Variants in MTUS1 observed in about 807,000 individuals in gnomAD.
The protein encoded by MTUS1 is microtubule associated scaffold protein 1, also known as microtubule-associated tumor suppressor 1.
MTUS1 carries 109 observed loss-of-function variants against 120.8 expected under a neutral mutation model. The observed-to-expected ratio is 0.90, with a 90% confidence interval of 0.77 to 1.06. The LOEUF is 1.06. MTUS1 is among the 50% of genes least tolerant of loss of function. The pLI is 0.00. For synonymous variants in MTUS1, 737 were observed against 550.5 expected (o/e 1.34, Z -4.74); for missense variants, 2,210 against 1,486.3 (o/e 1.49, Z -8.01).
At chr8:17,774,571 G>A (rs532703847) in intron 1 of MTUS1, among the ~76,000 whole-genome samples, 21 of 152,248 alleles carry the variant, frequency 1.4e-4, no homozygotes, top group Admixed American at 9.2e-4. Context: ...CTTCATACTC[G>A]TTAGGACACC....
At chr8:17,778,656 A>G (rs2050639894) in intron 1 of MTUS1, among the ~76,000 whole-genome samples, 1 of 152,028 alleles carries the variant, frequency 6.6e-6, no homozygotes, top group Non-Finnish European at 1.5e-5. Context: ...AAAAAATCCA[A>G]AAATTAGCCA....
At chr8:17,703,423 G>A (rs532317413) in intron 6 of MTUS1, among the ~76,000 whole-genome samples, 1 of 152,188 alleles carries the variant, frequency 6.6e-6, no homozygotes, top group African/African-American at 2.4e-5. Context: ...CACGAGGTCA[G>A]GAGATCGAGA....
intron 1 of MTUS1, among the ~76,000 whole-genome samples, chr8:17,761,546 A>G (rs11779092): frequency 0.98 from 148,567 of 152,298 alleles, 72,570 homozygotes; most frequent in East Asian, 1. Context: ...TAGAAACTCA[A>G]TAGAGGCTTA....
chr8:17,675,042 TAGTA>T lies in MTUS1; in HGVS notation c.2905+140_2905+143del, dbSNP rs1585593401. 6 of 1,459,088 alleles carry T rather than the reference TAGTA, an allele frequency of 4.1e-6. No homozygotes were observed. The East Asian group carries it at 7.4e-5, about 18-fold the overall frequency. 90.4% of individuals were successfully genotyped at this position (1,459,088 alleles called of 1,614,324 possible). On this transcript the variant is annotated intron_variant, in intron 8 of 14. Transcript: ENST00000693296. ...TGCCAAGATTCAAAAGAAATGTCGATAGTAAGTGTTTGCCCAGATACTAGACAGG... is the reference window on the plus strand; with the variant it reads ...TGCCAAGATTCAAAAGAAATGTCGATAGTGTTTGCCCAGATACTAGACAGG...
intron 6 of MTUS1, among the ~76,000 whole-genome samples, chr8:17,699,098 T>C (rs1238217055): frequency 2.0e-5 from 3 of 152,184 alleles, no homozygotes; most frequent in East Asian, 3.8e-4. Context: ...GAGTCAAATT[T>C]TGCCATGATT....
intron 8 of MTUS1, among the ~76,000 whole-genome samples, chr8:17,666,725 A>G (rs138718305): frequency 1.4e-4 from 21 of 152,348 alleles, no homozygotes; most frequent in African/African-American, 4.8e-4. Context: ...CTAGGGCCAG[A>G]GGTCAGGAAG....
chr8:17,755,820 C>A lies in MTUS1; in HGVS notation c.-13G>T, dbSNP rs770427680. ...TATCATCAGTCATCCTGAATAGTAA[C>A]CTTAAACCTCTGCCATTTTATTTCT... On this transcript the variant is annotated 5_prime_UTR_variant, in exon 2 of 15. Coordinates refer to ENST00000693296, the MANE Select transcript of MTUS1 (RefSeq NM_001363059.2). 3 of 1,589,836 alleles carry A rather than the reference C, an allele frequency of 1.9e-6. No individual in the cohort carries two copies. Among genetic ancestry groups the A allele is most frequent in the South Asian group, 1.1e-5 (1 of 87,178 alleles).
intron 3 of MTUS1, among the ~76,000 whole-genome samples, chr8:17,743,310 C>A (rs1158384072): frequency 6.6e-6 from 1 of 152,108 alleles, no homozygotes; most frequent in Admixed American, 6.6e-5. Context: ...TTTGAAAAAA[C>A]TTAATGAAAT....
At chr8:17,647,911 G>C (rs1045852018) in intron 13 of MTUS1, among the ~76,000 whole-genome samples, 1 of 152,198 alleles carries the variant, frequency 6.6e-6, no homozygotes, top group Non-Finnish European at 1.5e-5. Flanking sequence ...CGCGCTTTGA[G>C]TATGTTGCTT....
intron 8 of MTUS1, among the ~76,000 whole-genome samples, chr8:17,668,644 T>C (rs946858247): frequency 6.6e-6 from 1 of 152,202 alleles, no homozygotes; most frequent in African/African-American, 2.4e-5. Context: ...TTTCAAGATG[T>C]GGATTTCATT....
At chr8:17,657,372 TC>T (rs779551710) in intron 8 of MTUS1, among the ~76,000 whole-genome samples, 16 of 151,180 alleles carry the variant, frequency 1.1e-4, no homozygotes, top group Non-Finnish European at 2.2e-4. Flanking sequence ...ATCGAGACCA[TC>T]CCGGCTAAAA....
intron 1 of MTUS1, among the ~76,000 whole-genome samples, chr8:17,797,493 T>C (rs2052340450): frequency 6.6e-6 from 1 of 152,144 alleles, no homozygotes; most frequent in South Asian, 2.1e-4. Flanking sequence ...TACTGGACCA[T>C]CCAAAACCAG....
At chr8:17,653,579 G>A (rs1807529825) in intron 10 of MTUS1, 81 bp from the exon 11 acceptor site, 2 of 995,792 alleles carry the variant, frequency 2.0e-6, no homozygotes, top group Admixed American at 4.7e-5. Flanking sequence ...GCATATAGAT[G>A]TAGGGGTTGA....
intron 4 of MTUS1, among the ~76,000 whole-genome samples, chr8:17,719,121 G>T (rs1822907612): frequency 6.6e-6 from 1 of 151,992 alleles, no homozygotes; most frequent in African/African-American, 2.4e-5. Flanking sequence ...AGTGAGCCGA[G>T]ATCGTGCCAC....
intron 2 of MTUS1, among the ~76,000 whole-genome samples, chr8:17,750,883 C>A (rs2048137986): frequency 6.6e-6 from 1 of 152,182 alleles, no homozygotes; most frequent in Non-Finnish European, 1.5e-5. Flanking sequence ...AAATAAAAAT[C>A]AAGTTCCTTC....
intron 13 of MTUS1, among the ~76,000 whole-genome samples, chr8:17,648,810 C>G (rs950727157): frequency 1.3e-5 from 2 of 152,200 alleles, no homozygotes; most frequent in African/African-American, 4.8e-5. Flanking sequence ...AGTCACTCAT[C>G]ACTGTGGGGA....
intron 4 of MTUS1, chr8:17,723,467 A>C: frequency 1.6e-6 from 1 of 631,528 alleles, no homozygotes; most frequent in South Asian, 1.8e-5. Flanking sequence ...CCTTCATGCA[A>C]AAATATACTT....
chr8:17,754,590 G>A lies in MTUS1; in HGVS notation c.1218C>T (p.Gly406=). ...CATCCCAAGTCAGTCCAAATGACGA[G>A]CCCACCTTTTGTCCTGGCGGGCTAC... ...ILSSPPGQKV[G]SSFGLTWDAN... Residue 406 remains glycine (G), a synonymous_variant, in exon 2 of 15, where the codon GGC becomes GGT. Coordinates refer to ENST00000693296, the MANE Select transcript of MTUS1 (RefSeq NM_001363059.2). 1 of 1,614,126 alleles carries A rather than the reference G, an allele frequency of 6.2e-7. No individual in the cohort carries two copies.
At chr8:17,688,858 G>A (rs139020286) in intron 6 of MTUS1, among the ~76,000 whole-genome samples, 28 of 152,190 alleles carry the variant, frequency 1.8e-4, no homozygotes, top group African/African-American at 6.3e-4. Context: ...GGTAGACATG[G>A]CATTTACTGA....
Sources: allele counts gnomAD v4.1 joint callset (sites outside exome capture counted in the v4.1 genomes callset), GRCh38; gene constraint gnomAD v4.1.1; transcripts MANE v1.5; gene names NCBI Gene and HGNC (gene_info 2026-07-23, HGNC 2026-07-21).